The following LYN variants were observed in gnomAD, a reference collection of about 807,000 sequenced individuals.
The protein encoded by LYN is LYN proto-oncogene, Src family tyrosine kinase.
Under a neutral mutation model 65.0 loss-of-function variants are expected in LYN, and 12 were observed. The ratio of observed to expected loss-of-function variants is 0.18; its 90% confidence interval spans 0.12 to 0.30. The LOEUF (loss-of-function observed/expected upper bound fraction) is 0.30. LYN is among the 10% of genes least tolerant of loss of function. The probability of loss-of-function intolerance (pLI) is 1.00; values close to 1 mark genes in which losing one functional copy is unlikely to be tolerated. For missense variants in LYN, 380 were observed against 623.2 expected, an observed-to-expected ratio of 0.61 and a Z score of 4.16; for synonymous variants, 222 against 221.2, an observed-to-expected ratio of 1.00 and a Z score of -0.03.
chr8:55,945,954 C>T lies in LYN; in HGVS notation c.133-494C>T, dbSNP rs80037740. 4.3e-3 allele frequency among the ~76,000 whole-genome samples: 662 copies of T among 152,310 alleles called. 4 individuals are homozygous for T. The highest frequency in any genetic ancestry group is 0.015 in the African/African-American group (638 of 41,558). The stretch of plus-strand genomic sequence containing the variant: ...ACCTCTTCCGTCTCCATCCTGCTGC[C>T]GCTGGTGTTTGCTTTCTATGTGAAG... On this transcript the variant is annotated intron_variant, in intron 2 of 12. Transcript: ENST00000519728.
intron 6 of LYN, among the ~76,000 whole-genome samples, chr8:55,951,739 T>C (rs1233618768): frequency 2.0e-5 from 3 of 151,616 alleles, no homozygotes; most frequent in Non-Finnish European, 4.4e-5. Flanking sequence ...AAAAAAATTA[T>C]CATGAAGAAA....
At chr8:55,887,851 C>G (rs1804847101) in intron 1 of LYN, among the ~76,000 whole-genome samples, 1 of 152,004 alleles carries the variant, frequency 6.6e-6, no homozygotes, top group South Asian at 2.1e-4. Context: ...CTCAAGTTAT[C>G]CGGCTGCCTC....
chr8:55,943,191 G>A (rs1273853703), intron 2 of LYN, among the ~76,000 whole-genome samples: 1 of 152,092 alleles, frequency 6.6e-6, no homozygotes, highest in African/African-American at 2.4e-5. Context: ...TATATCCTTT[G>A]CATATATGTA....
At chr8:55,970,574 C>G (rs1039787002) in intron 10 of LYN, among the ~76,000 whole-genome samples, 1 of 152,128 alleles carries the variant, frequency 6.6e-6, no homozygotes, top group Non-Finnish European at 1.5e-5. Context: ...TATAGAAGTT[C>G]TAGGGAAGAC....
rs1044047899 is a variant in LYN at position 55,913,624 on chromosome 8, C to T, written c.-5-28231C>T. On this transcript the variant is annotated intron_variant, in intron 1 of 12. Coordinates refer to ENST00000519728, the MANE Select transcript of LYN (RefSeq NM_002350.4). Reference sequence around the variant, plus strand: ...AATGATTCAGCAAAGTGTAAACGCCCGTAATGGGCTTGGCAGTGTCCTGGG... The same window carrying T: ...AATGATTCAGCAAAGTGTAAACGCCTGTAATGGGCTTGGCAGTGTCCTGGG... 6.6e-5 allele frequency among the ~76,000 whole-genome samples: 10 copies of T among 152,248 alleles called. No individual in the cohort carries two copies. In the South Asian group the frequency reaches 8.3e-4, roughly 13 times the overall value.
chr8:55,931,137 TAAA>T (rs1806258387), intron 1 of LYN, among the ~76,000 whole-genome samples: 1 of 146,996 alleles, frequency 6.8e-6, no homozygotes, highest in Non-Finnish European at 1.5e-5. Context: ...TTATATATAA[TAAA>T]ATATATTATA....
intron 10 of LYN, among the ~76,000 whole-genome samples, chr8:55,983,063 C>CCCT (rs1297873248): frequency 1.3e-5 from 2 of 152,126 alleles, no homozygotes; most frequent in Non-Finnish European, 2.9e-5. Flanking sequence ...ACCTATTTTG[C>CCCT]CCTCATGTCC....
At chr8:55,968,347 C>T (rs1202669822) in intron 9 of LYN, among the ~76,000 whole-genome samples, 1 of 152,098 alleles carries the variant, frequency 6.6e-6, no homozygotes, top group East Asian at 1.9e-4. Context: ...CCTCTGCCTC[C>T]CAGGTTCCAG....
intron 10 of LYN, among the ~76,000 whole-genome samples, chr8:55,988,971 T>C (rs371372546): frequency 5.9e-5 from 9 of 152,152 alleles, no homozygotes; most frequent in African/African-American, 1.9e-4. Context: ...GTAATTAGGA[T>C]GAACAGAAGA....
chr8:55,996,691 C>G (rs1037151463), intron 10 of LYN, among the ~76,000 whole-genome samples: 5 of 151,618 alleles, frequency 3.3e-5, no homozygotes, highest in Non-Finnish European at 7.4e-5. Flanking sequence ...TTCTCCTTAA[C>G]TTTATAATTT....
rs1437677441 is a variant in LYN at position 56,013,238 on chromosome 8, G to T, written c.*3128G>T. The T allele has an allele frequency of 1.3e-5, 2 of 151,550 alleles. No homozygotes were observed. Among genetic ancestry groups the T allele is most frequent in the Admixed American group, 6.6e-5 (1 of 15,176 alleles). The allele number at this position is 151,550 out of a possible 1,614,324, so 9.4% of individuals were successfully genotyped here. ...ATCATAAGTATAAACTCATCTCCAC[G>T]TCAGCTTGTGGAGTCTGCTTTCTCG... On this transcript the variant is annotated 3_prime_UTR_variant, in exon 13 of 13. Transcript: ENST00000519728.
intron 10 of LYN, among the ~76,000 whole-genome samples, chr8:55,976,168 C>T (rs1407038034): frequency 6.6e-6 from 1 of 151,620 alleles, no homozygotes; most frequent in Non-Finnish European, 1.5e-5. Flanking sequence ...GAGATGAAAG[C>T]AGTTTGAAAT....
rs185638031 is a variant in LYN, at chr8:55,952,992, C to T, written c.638-840C>T. ...TTGTTGCCCCGGCTCCTTTCTATGA[C>T]CTGCTCGAAGGGGATGCACATTATA... On this transcript the variant is annotated intron_variant, in intron 7 of 12. Transcript: ENST00000519728. Among the ~76,000 whole-genome samples, 632 of 152,274 alleles carry T rather than the reference C, an allele frequency of 4.2e-3. 7 individuals are homozygous for T. The highest frequency in any genetic ancestry group is 4.8e-3 in the Non-Finnish European group (325 of 68,028).
At chr8:55,935,757 G>A (rs1225050960) in intron 1 of LYN, among the ~76,000 whole-genome samples, 2 of 146,964 alleles carry the variant, frequency 1.4e-5, no homozygotes, top group South Asian at 2.2e-4. Flanking sequence ...CTCCAGCCTG[G>A]GCAACAGAGG....
intron 10 of LYN, among the ~76,000 whole-genome samples, chr8:55,996,724 T>C (rs1274079713): frequency 1.3e-5 from 2 of 152,256 alleles, no homozygotes; most frequent in East Asian, 3.9e-4. Flanking sequence ...CTTAAAAACC[T>C]GACTTTGGAA....
At chr8:55,954,435 A>G (rs777406754) in intron 8 of LYN, among the ~76,000 whole-genome samples, 1 of 152,270 alleles carries the variant, frequency 6.6e-6, no homozygotes, top group Non-Finnish European at 1.5e-5. Flanking sequence ...TCATGAAGAA[A>G]TCATTTCTTA....
At chr8:55,904,291 A>G (rs999715890) in intron 1 of LYN, among the ~76,000 whole-genome samples, 1 of 152,266 alleles carries the variant, frequency 6.6e-6, no homozygotes, top group Admixed American at 6.5e-5. Flanking sequence ...TAACTCAATT[A>G]TTTGGCTGTC....
At chr8:55,952,554 T>G (rs929588112) in intron 7 of LYN, among the ~76,000 whole-genome samples, 1 of 152,172 alleles carries the variant, frequency 6.6e-6, no homozygotes, top group Admixed American at 6.5e-5. Flanking sequence ...AGCAAGACTC[T>G]GTCTCAAAAA....
intron 10 of LYN, among the ~76,000 whole-genome samples, chr8:55,977,744 T>C (rs1807796557): frequency 7.8e-6 from 1 of 128,594 alleles, no homozygotes; most frequent in Non-Finnish European, 1.7e-5. Flanking sequence ...GAGACTCCTA[T>C]CTCTACCAAA....
Sources: allele counts gnomAD v4.1 joint callset (sites outside exome capture counted in the v4.1 genomes callset), GRCh38; gene constraint gnomAD v4.1.1; transcripts MANE v1.5; gene names NCBI Gene and HGNC (gene_info 2026-07-23, HGNC 2026-07-21).